The following MYRFL variants were observed in gnomAD, a reference collection of about 807,000 sequenced individuals.
MYRFL encodes myelin regulatory factor-like protein.
MYRFL carries 88 observed loss-of-function variants against 109.4 expected under a neutral mutation model. The observed-to-expected ratio is 0.80, with a 90% confidence interval of 0.68 to 0.96. MYRFL has a LOEUF of 0.96. Ranked by LOEUF, MYRFL falls within the 40% of genes least tolerant of loss-of-function variation. MYRFL has a pLI of 0.00. For missense variants in MYRFL, 957 were observed against 954.9 expected, an observed-to-expected ratio of 1.00 and a Z score of -0.03; for synonymous variants, 324 against 320.9, an observed-to-expected ratio of 1.01 and a Z score of -0.10.
rs144716265 is a variant in MYRFL at position 69,895,360 on chromosome 12, G to C, written c.981-11G>C. The C allele has an allele frequency of 6.9e-5, 102 of 1,485,350 alleles. No homozygotes were observed. In the African/African-American group the frequency reaches 1.2e-3, roughly 18 times the overall value. 92.0% of individuals were successfully genotyped at this position (1,485,350 alleles called of 1,614,324 possible). A position where few individuals can be genotyped will look rare whatever the true frequency, so the allele number is the denominator to read the frequency against. On this transcript the variant is annotated splice_polypyrimidine_tract_variant and intron_variant, in intron 8 of 24. Transcript: ENST00000552032. ...AGTCTCTTGGTTTTTTTTTTTTGCT[G>C]TTTGTTTTAGAATTGACCTACTGGC...
At chr12:69,924,642 C>T (rs1955015733) in intron 13 of MYRFL, among the ~76,000 whole-genome samples, 2 of 152,108 alleles carry the variant, frequency 1.3e-5, no homozygotes, top group Admixed American at 6.5e-5. Context: ...CTAGATATTG[C>T]TAAATTCTAC....
chr12:69,879,596 G>T, intron 4 of MYRFL, 143 bp downstream of exon 4: 1 of 576,908 alleles, frequency 1.7e-6, no homozygotes, highest in Non-Finnish European at 3.1e-6. Context: ...ACATCGCGAG[G>T]TCCCAGTGTT....
At chr12:69,868,109 C>CT (rs146729804) in intron 2 of MYRFL, among the ~76,000 whole-genome samples, 7,369 of 135,582 alleles carry the variant, frequency 0.054, 677 homozygotes, top group African/African-American at 0.18. Flanking sequence ...TTTTTTTTTT[C>CT]TTTTTTTTTT....
chr12:69,927,211 C>T (rs540506711), intron 14 of MYRFL, among the ~76,000 whole-genome samples: 1 of 152,100 alleles, frequency 6.6e-6, no homozygotes, highest in East Asian at 1.9e-4. Context: ...TCCCAAAGTG[C>T]TGGGATTATA....
intron 10 of MYRFL, 123 bp downstream of exon 10, chr12:69,897,369 C>A: frequency 1.3e-6 from 1 of 776,624 alleles, no homozygotes; most frequent in South Asian, 1.6e-5. Context: ...ATGGCAGAAA[C>A]TATTATTTTA....
chr12:69,856,864 AGT>A (rs1252426399), intron 2 of MYRFL, among the ~76,000 whole-genome samples: 2 of 151,950 alleles, frequency 1.3e-5, no homozygotes, highest in Non-Finnish European at 2.9e-5. Flanking sequence ...TAATCTTAAC[AGT>A]GTTTTTCTCA....
At chr12:69,890,594 CGTG>C (rs1223651822) in intron 6 of MYRFL, among the ~76,000 whole-genome samples, 2 of 151,998 alleles carry the variant, frequency 1.3e-5, no homozygotes, top group African/African-American at 4.8e-5. Flanking sequence ...ATTAGCCGGG[CGTG>C]GTGGTGTGCA....
intron 1 of MYRFL, among the ~76,000 whole-genome samples, chr12:69,853,823 C>A (rs1055324666): frequency 6.6e-6 from 1 of 151,302 alleles, no homozygotes; most frequent in South Asian, 2.1e-4. Context: ...ACTTCCCAGA[C>A]GGGATCGCGG....
intron 1 of MYRFL, among the ~76,000 whole-genome samples, chr12:69,830,307 A>G (rs965509549): frequency 6.6e-6 from 1 of 151,288 alleles, no homozygotes; most frequent in Non-Finnish European, 1.5e-5. Flanking sequence ...TAGAGAGATA[A>G]TGTATCTGTA....
At chr12:69,927,629 C>T in intron 14 of MYRFL, 56 bp from the exon 15 acceptor site, 1 of 1,314,140 alleles carries the variant, frequency 7.6e-7, no homozygotes, top group Non-Finnish European at 1.0e-6. Flanking sequence ...GGGCCTTTGT[C>T]ATGTATCTCC....
chr12:69,911,712 A>G (rs895167471), intron 13 of MYRFL, among the ~76,000 whole-genome samples: 1 of 152,216 alleles, frequency 6.6e-6, no homozygotes, highest in African/African-American at 2.4e-5. Flanking sequence ...AGGTTTGCAA[A>G]TGCACTCTGA....
chr12:69,939,674 C>T (rs1460679193), intron 19 of MYRFL, among the ~76,000 whole-genome samples: 3 of 152,050 alleles, frequency 2.0e-5, no homozygotes, highest in Non-Finnish European at 2.9e-5. Context: ...TCACCAGCAA[C>T]GGAACAAAGC....
chr12:69,867,111 G>A (rs902670270), intron 2 of MYRFL, among the ~76,000 whole-genome samples: 5 of 152,204 alleles, frequency 3.3e-5, no homozygotes, highest in African/African-American at 7.2e-5. Flanking sequence ...ATTTCCTTAT[G>A]TGGTAGAGTT....
At chr12:69,929,134 G>C (rs1374866312) in intron 15 of MYRFL, among the ~76,000 whole-genome samples, 1 of 152,116 alleles carries the variant, frequency 6.6e-6, no homozygotes, top group East Asian at 1.9e-4. Flanking sequence ...AATATTCCCA[G>C]AAGTATGACA....
At chr12:69,849,310 T>C (rs1054996592) in intron 1 of MYRFL, among the ~76,000 whole-genome samples, 7 of 152,256 alleles carry the variant, frequency 4.6e-5, no homozygotes, top group African/African-American at 1.7e-4. Context: ...AAATACTATT[T>C]TACCTTTGAT....
intron 2 of MYRFL, among the ~76,000 whole-genome samples, chr12:69,865,581 G>A (rs1249178788): frequency 1.3e-5 from 2 of 152,150 alleles, no homozygotes; most frequent in Non-Finnish European, 2.9e-5. Flanking sequence ...ACAGGGGAAG[G>A]TCAGAGATAC....
At chr12:69,891,613 T>TTC (rs1566002088) in intron 7 of MYRFL, among the ~76,000 whole-genome samples, 26 of 116,954 alleles carry the variant, frequency 2.2e-4, no homozygotes, top group Non-Finnish European at 4.0e-4. Flanking sequence ...TTCTCTTTCT[T>TTC]TCTTTCTTTC....
intron 7 of MYRFL, among the ~76,000 whole-genome samples, chr12:69,891,607 C>CCTTCCTTTCTT (rs1886835826): frequency 1.2e-5 from 1 of 82,888 alleles, no homozygotes; most frequent in Non-Finnish European, 2.4e-5. Context: ...CTTTCTTTCT[C>CCTTCCTTTCTT]TTTCTTTCTT....
chr12:69,926,880 T>C (rs2120447588), intron 14 of MYRFL, 146 bp downstream of exon 14: 1 of 662,442 alleles, frequency 1.5e-6, no homozygotes, highest in East Asian at 3.5e-5. Context: ...TTTAGAATAT[T>C]TTGGAGCACA....
Sources: gnomAD v4.1 joint callset for allele counts (sites outside exome capture counted in the v4.1 genomes callset) on GRCh38, gnomAD v4.1.1 for gene constraint, MANE v1.5 for transcripts, NCBI Gene and HGNC (gene_info 2026-07-23, HGNC 2026-07-21) for gene names.